The following PRKDC variants were observed in gnomAD, a reference collection of about 807,000 sequenced individuals.
The protein encoded by PRKDC is protein kinase, DNA-activated, catalytic subunit, also known as DNA-dependent protein kinase catalytic subunit.
PRKDC carries 82 observed loss-of-function variants against 486.9 expected under a neutral mutation model. That is an observed-to-expected ratio of 0.17 (90% confidence interval 0.14 to 0.20). The LOEUF is 0.20. Among genes scored for constraint, PRKDC ranks in the 10% least tolerant of loss-of-function variants. The probability of loss-of-function intolerance (pLI) is 1.00; values close to 1 mark genes in which losing one functional copy is unlikely to be tolerated. For missense variants in PRKDC, 4,504 were observed against 5,038.2 expected (o/e 0.89, Z 3.21); for synonymous variants, 1,895 against 1,837.0 (o/e 1.03, Z -0.81).
intron 83 of PRKDC, among the ~76,000 whole-genome samples, chr8:47,778,203 T>C (rs2086638302): frequency 6.6e-6 from 1 of 152,022 alleles, no homozygotes; most frequent in African/African-American, 2.4e-5. Flanking sequence ...TTCCTAAAAC[T>C]TTCTTAGAGT....
intron 40 of PRKDC, among the ~76,000 whole-genome samples, chr8:47,876,173 T>C (rs1563779497): frequency 5.9e-5 from 9 of 152,254 alleles, no homozygotes; most frequent in Admixed American, 6.5e-5. Flanking sequence ...ATGGTGCTGG[T>C]TGCATACTCA....
chr8:47,798,003 G>T (rs1337781699), intron 73 of PRKDC, among the ~76,000 whole-genome samples: 1 of 152,166 alleles, frequency 6.6e-6, no homozygotes. Context: ...CATCTCTCTG[G>T]ATCCTTGTTC....
chr8:47,855,296 A>C lies in PRKDC; in HGVS notation c.6687T>G (p.Ala2229=). The C allele has an allele frequency of 6.2e-7, 1 of 1,602,568 alleles. No individual in the cohort carries two copies. Among genetic ancestry groups the C allele is most frequent in the Non-Finnish European group, 8.5e-7 (1 of 1,173,730 alleles). The change falls in exon 50 of 86, where the codon GCT becomes GCG. Residue 2229 remains alanine (A), a synonymous_variant. Transcript: ENST00000314191. The stretch of plus-strand genomic sequence containing the variant: ...TAATTTCAAGGTTGTGTCTAAACAC[A>C]GCTCTTTTTGGATGAAAGACATGTT... The part of the protein sequence containing the change: ...LMKHVFHPKR[A]VFRHNLEIIK...
chr8:47,881,591 A>G (rs1037560858), intron 37 of PRKDC, 71 bp from the exon 38 acceptor site: 4 of 792,920 alleles, frequency 5.0e-6, no homozygotes, highest in East Asian at 2.8e-5. Flanking sequence ...CCATTGCTCA[A>G]ATGTTTAAAT....
intron 21 of PRKDC, among the ~76,000 whole-genome samples, chr8:47,924,992 G>A (rs1367160782): frequency 6.6e-6 from 1 of 152,092 alleles, no homozygotes; most frequent in East Asian, 1.9e-4. Context: ...CACCCTGCCT[G>A]CACCCCAACA....
chr8:47,857,799 G>T (rs552762372), intron 48 of PRKDC, among the ~76,000 whole-genome samples: 263 of 152,194 alleles, frequency 1.7e-3, no homozygotes, highest in South Asian at 6.6e-3. Flanking sequence ...TGACAGACTC[G>T]CCATGTCTGC....
intron 32 of PRKDC, among the ~76,000 whole-genome samples, chr8:47,889,614 G>C (rs953040453): frequency 6.6e-6 from 1 of 152,258 alleles, no homozygotes; most frequent in Non-Finnish European, 1.5e-5. Flanking sequence ...ACTGACTGGA[G>C]TTTGTTTATA....
At chr8:47,798,460 G>A in intron 72 of PRKDC, 63 bp from the exon 73 acceptor site, 1 of 1,449,272 alleles carries the variant, frequency 6.9e-7, no homozygotes, top group Middle Eastern at 2.0e-4. Context: ...AAACTATGAT[G>A]TTAAATGCTA....
At chr8:47,881,391 A>T (rs1432594319) in intron 38 of PRKDC, 25 bp downstream of exon 38, 14 of 1,320,012 alleles carry the variant, frequency 1.1e-5, no homozygotes, top group Non-Finnish European at 1.5e-5. Context: ...ATGTAATCCA[A>T]AAAAATAAAT....
At chr8:47,900,253 T>C (rs1173424104) in intron 28 of PRKDC, 120 bp downstream of exon 28, 1 of 565,892 alleles carries the variant, frequency 1.8e-6, no homozygotes, top group Non-Finnish European at 2.8e-6. Context: ...TTCACATTTA[T>C]TAATTTATAG....
At chr8:47,791,128 C>A (rs1202926225) in intron 74 of PRKDC, among the ~76,000 whole-genome samples, 3 of 152,184 alleles carry the variant, frequency 2.0e-5, no homozygotes, top group Admixed American at 6.5e-5. Context: ...AGTGAAGGGA[C>A]AACCCACAGA....
intron 58 of PRKDC, among the ~76,000 whole-genome samples, chr8:47,834,752 G>A (rs1315424044): frequency 6.8e-6 from 1 of 146,812 alleles, no homozygotes; most frequent in Non-Finnish European, 1.5e-5. Flanking sequence ...GTGCAGTGGC[G>A]CGATCTCGGC....
At chr8:47,901,983 G>C (rs763385371) in intron 27 of PRKDC, among the ~76,000 whole-genome samples, 2 of 152,102 alleles carry the variant, frequency 1.3e-5, no homozygotes, top group Admixed American at 1.3e-4. Flanking sequence ...CCAGCAAGTG[G>C]ATTTTAGGAG....
intron 68 of PRKDC, among the ~76,000 whole-genome samples, chr8:47,812,569 C>T (rs2087352246): frequency 6.6e-6 from 1 of 152,012 alleles, no homozygotes; most frequent in Admixed American, 6.6e-5. Flanking sequence ...AATGACATAC[C>T]AAAATGTGCA....
chr8:47,853,338 G>T (rs774734029), intron 51 of PRKDC, among the ~76,000 whole-genome samples: 14 of 152,234 alleles, frequency 9.2e-5, no homozygotes, highest in Non-Finnish European at 2.1e-4. Flanking sequence ...CAGCCCTGAG[G>T]TCATGTGTCA....
At chr8:47,793,135 C>T (rs1057231975) in intron 74 of PRKDC, among the ~76,000 whole-genome samples, 4 of 152,246 alleles carry the variant, frequency 2.6e-5, no homozygotes, top group Non-Finnish European at 4.4e-5. Context: ...TCTTCCACCT[C>T]GGCCTCCCAA....
intron 41 of PRKDC, among the ~76,000 whole-genome samples, chr8:47,863,911 G>A (rs955807271): frequency 1.3e-5 from 2 of 152,180 alleles, no homozygotes; most frequent in African/African-American, 2.4e-5. Flanking sequence ...CATTAACAAT[G>A]CAGCATCTGG....
intron 21 of PRKDC, 63 bp downstream of exon 21, chr8:47,927,131 C>CTAT: frequency 2.0e-6 from 3 of 1,496,464 alleles, no homozygotes; most frequent in African/African-American, 2.8e-5. Flanking sequence ...ACAGTCCTAC[C>CTAT]TATTATAGTT....
intron 28 of PRKDC, among the ~76,000 whole-genome samples, chr8:47,899,214 A>G (rs1172317289): frequency 6.6e-6 from 1 of 152,372 alleles, no homozygotes; most frequent in East Asian, 1.9e-4. Context: ...ACTCGTTGAA[A>G]AAATTCACCC....
Sources: allele counts gnomAD v4.1 joint callset (sites outside exome capture counted in the v4.1 genomes callset), GRCh38; gene constraint gnomAD v4.1.1; transcripts MANE v1.5; gene names NCBI Gene and HGNC (gene_info 2026-07-23, HGNC 2026-07-21).